The following TAFA2 variants were observed in gnomAD, a reference collection of about 807,000 sequenced individuals.
TAFA2 encodes the protein chemokine-like protein TAFA-2.
Under a neutral mutation model 18.8 loss-of-function variants are expected in TAFA2, and 7 were observed. The observed-to-expected ratio is 0.37, with a 90% confidence interval of 0.21 to 0.70. The LOEUF is 0.70. Among genes scored for constraint, TAFA2 ranks in the 30% least tolerant of loss-of-function variants. The pLI, the probability that TAFA2 is intolerant of heterozygous loss-of-function variation, is 0.53. For missense variants in TAFA2, 122 were observed against 158.1 expected (o/e 0.77, Z 1.23); for synonymous variants, 60 against 54.2 (o/e 1.11, Z -0.47).
intron 2 of TAFA2, among the ~76,000 whole-genome samples, chr12:61,858,841 C>T (rs1488758958): frequency 6.6e-6 from 1 of 152,076 alleles, no homozygotes; most frequent in Non-Finnish European, 1.5e-5. Flanking sequence ...CAACCAACAA[C>T]CAGAGTGACC....
intron 1 of TAFA2, among the ~76,000 whole-genome samples, chr12:62,185,661 G>A (rs1368238245): frequency 6.6e-6 from 1 of 152,166 alleles, no homozygotes; most frequent in African/African-American, 2.4e-5. Context: ...GTGCCTCTGT[G>A]AAATTAGAAC....
rs1034248522 is a variant in TAFA2 at position 61,834,805 on chromosome 12, A to G, written c.106+32515T>C. ...TATTTTTCTTGATTAAATGACAACC[A>G]TTTATCTTTAATATCATTTCTTATT... On this transcript the variant is annotated intron_variant, in intron 2 of 4. Coordinates refer to ENST00000416284, the MANE Select transcript of TAFA2 (RefSeq NM_178539.5). Among the ~76,000 whole-genome samples, 3 of 152,004 alleles carry G rather than the reference A, an allele frequency of 2.0e-5. 1 individual carries two copies.
chr12:62,034,044 G>C (rs945312049), intron 1 of TAFA2, among the ~76,000 whole-genome samples: 2 of 152,168 alleles, frequency 1.3e-5, no homozygotes, highest in Admixed American at 1.3e-4. Context: ...ATATGCACAA[G>C]AGAGAAAGAG....
At chr12:62,259,426 G>A (rs1174959634), upstream of TAFA2, 1 of 152,228 alleles carries the variant, frequency 6.6e-6, no homozygotes, top group Non-Finnish European at 1.5e-5. Context: ...GAGAGGCAGT[G>A]AGTGTGCTAT....
intron 1 of TAFA2, among the ~76,000 whole-genome samples, chr12:61,935,395 C>T (rs1877721245): frequency 6.6e-6 from 1 of 152,096 alleles, no homozygotes; most frequent in Non-Finnish European, 1.5e-5. Context: ...ACCAAATTGC[C>T]ATTTAATCCT....
intron 1 of TAFA2, among the ~76,000 whole-genome samples, chr12:61,896,022 A>G (rs1875827161): frequency 6.6e-6 from 1 of 152,058 alleles, no homozygotes; most frequent in Non-Finnish European, 1.5e-5. Context: ...GAGAGAAGAC[A>G]GAGGAGAATG....
chr12:62,079,625 C>G (rs1348381855), intron 1 of TAFA2, among the ~76,000 whole-genome samples: 1 of 151,198 alleles, frequency 6.6e-6, no homozygotes, highest in African/African-American at 2.4e-5. Context: ...GATCGTGCCA[C>G]TACACTCCAG....
intron 1 of TAFA2, among the ~76,000 whole-genome samples, chr12:62,179,838 T>C (rs1172438897): frequency 6.6e-6 from 1 of 152,200 alleles, no homozygotes; most frequent in Non-Finnish European, 1.5e-5. Context: ...TTCCTCGTTA[T>C]ATCCCACAAA....
intron 2 of TAFA2, among the ~76,000 whole-genome samples, chr12:61,762,002 G>A (rs1869570586): frequency 6.6e-6 from 1 of 151,932 alleles, no homozygotes; most frequent in Admixed American, 6.6e-5. Context: ...TCTTCCTCCT[G>A]CTCTGGGCAT....
intron 1 of TAFA2, among the ~76,000 whole-genome samples, chr12:62,141,599 G>A (rs1487142722): frequency 6.6e-6 from 1 of 152,046 alleles, no homozygotes; most frequent in Non-Finnish European, 1.5e-5. Flanking sequence ...GCAGTTCAAT[G>A]GTTTTGTCTT....
chr12:62,081,777 G>A (rs1176417069), intron 1 of TAFA2, among the ~76,000 whole-genome samples: 6 of 152,034 alleles, frequency 3.9e-5, no homozygotes, highest in Non-Finnish European at 8.8e-5. Flanking sequence ...GAGCCACCGC[G>A]CCCAACCTCT....
At chr12:61,745,832 G>T (rs9651985) in intron 4 of TAFA2, among the ~76,000 whole-genome samples, 9 of 151,956 alleles carry the variant, frequency 5.9e-5, no homozygotes, top group Non-Finnish European at 1.2e-4. Flanking sequence ...TCTGTACCCC[G>T]AAAAGGCAGA....
At chr12:62,068,382 T>C (rs866600415) in intron 1 of TAFA2, among the ~76,000 whole-genome samples, 17 of 152,270 alleles carry the variant, frequency 1.1e-4, no homozygotes, top group Middle Eastern at 3.4e-3. Flanking sequence ...ACCACATTAG[T>C]GTCTTGAGGA....
At chr12:62,195,491 G>T (rs745325063), upstream of TAFA2, among the ~76,000 whole-genome samples, 2 of 152,126 alleles carry the variant, frequency 1.3e-5, no homozygotes, top group Non-Finnish European at 2.9e-5. Context: ...TCTTAAATAA[G>T]AAGACTTGAA....
At chr12:62,001,931 C>G (rs17653338) in intron 1 of TAFA2, among the ~76,000 whole-genome samples, 1 of 152,034 alleles carries the variant, frequency 6.6e-6, no homozygotes, top group African/African-American at 2.4e-5. Flanking sequence ...ACAAATAAAA[C>G]TTGGAATCAA....
intron 1 of TAFA2, among the ~76,000 whole-genome samples, chr12:62,146,175 C>A (rs563906204): frequency 6.6e-6 from 1 of 151,666 alleles, no homozygotes; most frequent in African/African-American, 2.4e-5. Flanking sequence ...TTCTTGGAGG[C>A]CCTCTCATCT....
intron 1 of TAFA2, among the ~76,000 whole-genome samples, chr12:61,963,892 T>C (rs897562417): frequency 6.6e-6 from 1 of 151,792 alleles, no homozygotes; most frequent in Non-Finnish European, 1.5e-5. Flanking sequence ...TATAGACCAA[T>C]GGAACAGAAC....
At chr12:61,884,994 CTTT>C (rs1211000093) in intron 1 of TAFA2, among the ~76,000 whole-genome samples, 3 of 151,658 alleles carry the variant, frequency 2.0e-5, no homozygotes, top group Non-Finnish European at 3.0e-5. Context: ...AAATAAACTT[CTTT>C]GTTTCTACTG....
At chr12:61,924,926 G>A (rs756701396) in intron 1 of TAFA2, among the ~76,000 whole-genome samples, 4 of 151,992 alleles carry the variant, frequency 2.6e-5, no homozygotes, top group South Asian at 2.1e-4. Flanking sequence ...AAAAACCCAC[G>A]GGGTGCAATC....
Sources: gnomAD v4.1 joint callset for allele counts (sites outside exome capture counted in the v4.1 genomes callset) on GRCh38, gnomAD v4.1.1 for gene constraint, MANE v1.5 for transcripts, NCBI Gene and HGNC (gene_info 2026-07-23, HGNC 2026-07-21) for gene names.